LGALS4: variants seen among roughly 807,000 people sequenced by gnomAD.
The protein encoded by LGALS4 is galectin 4, also known as galectin-4.
LGALS4 carries 37 observed loss-of-function variants against 39.6 expected under a neutral mutation model. The ratio of observed to expected loss-of-function variants is 0.93; its 90% confidence interval spans 0.72 to 1.23. LGALS4 has a LOEUF of 1.23. Ranked by LOEUF, LGALS4 falls within the 50% of genes most tolerant of loss-of-function variation. The pLI is 0.00. For missense variants in LGALS4, 397 were observed against 433.2 expected, an observed-to-expected ratio of 0.92 and a Z score of 0.74; for synonymous variants, 160 against 165.5, an observed-to-expected ratio of 0.97 and a Z score of 0.25.
rs749513005 is a variant in LGALS4 at position 38,806,437 on chromosome 19, A to G, written c.474+24T>C. ...AACTGAATTTAGAAAGAAAGGACGC[A>G]AGAAGGGATGGGACCCCTCACACCT... On this transcript the variant is annotated intron_variant, in intron 4 of 9. Transcript: ENST00000307751. 6 of 1,606,604 alleles carry G rather than the reference A, an allele frequency of 3.7e-6. No homozygotes were observed. The South Asian group carries it at 6.6e-5, about 18-fold the overall frequency.
At chr19:38,805,793 T>C (rs1971415291) in intron 4 of LGALS4, among the ~76,000 whole-genome samples, 1 of 152,106 alleles carries the variant, frequency 6.6e-6, no homozygotes, top group Non-Finnish European at 1.5e-5. Flanking sequence ...TGGAATGCGC[T>C]GGGCACCATG....
At chr19:38,806,417 A>G (rs757825136) in intron 4 of LGALS4, 44 bp downstream of exon 4, 1 of 1,574,590 alleles carries the variant, frequency 6.4e-7, no homozygotes, top group Non-Finnish European at 8.6e-7. Flanking sequence ...TGTGGAACTG[A>G]ATTTAGAAAG....
intron 1 of LGALS4, 86 bp from the exon 2 acceptor site, chr19:38,812,605 A>C (rs754837295): frequency 5.1e-5 from 66 of 1,295,854 alleles, no homozygotes; most frequent in Non-Finnish European, 5.7e-5. Context: ...CCAGTCCCTT[A>C]AGCAGGAGAG....
At chr19:38,803,379 C>T in intron 7 of LGALS4, 143 bp downstream of exon 7, 2 of 809,458 alleles carry the variant, frequency 2.5e-6, no homozygotes, top group South Asian at 1.6e-5. Context: ...CCTTCTGCTC[C>T]CTAAACCTGA....
intron 4 of LGALS4, among the ~76,000 whole-genome samples, chr19:38,805,861 C>T (rs1277906903): frequency 6.6e-6 from 1 of 152,112 alleles, no homozygotes; most frequent in Non-Finnish European, 1.5e-5. Context: ...CACTTGAGGC[C>T]AGGAGTTCCA....
chr19:38,809,426 T>A (rs1042221557), intron 2 of LGALS4, among the ~76,000 whole-genome samples: 2 of 151,870 alleles, frequency 1.3e-5, no homozygotes, highest in African/African-American at 4.8e-5. Context: ...GTGATCCACC[T>A]GCCTCGGCTT....
rs922655324 is a variant in LGALS4, at chr19:38,801,753, C to A, written c.*11G>T. ...TTCTGTTTTCCCATGAGTTATGGCC[C>A]CAGGAATAGATTAGATCTGGACATA... On this transcript the variant is annotated 3_prime_UTR_variant, in exon 10 of 10. Coordinates refer to ENST00000307751, the MANE Select transcript of LGALS4 (RefSeq NM_006149.4). The A allele has an allele frequency of 1.1e-5, 17 of 1,613,694 alleles. No homozygotes were observed. The African/African-American group carries it at 1.7e-4, about 16-fold the overall frequency.
chr19:38,804,343 G>A (rs886146261), intron 4 of LGALS4, among the ~76,000 whole-genome samples: 5 of 152,130 alleles, frequency 3.3e-5, no homozygotes, highest in South Asian at 2.1e-4. Context: ...GCAGTGGCAC[G>A]ATCTCTGCTC....
chr19:38,802,079 C>G lies in LGALS4; in HGVS notation c.738G>C (p.Val246=), dbSNP rs35631131. The G allele has an allele frequency of 4.9e-4, 797 of 1,614,170 alleles. 6 individuals carry two copies. In the African/African-American group the frequency reaches 9.3e-3, roughly 19 times the overall value. The change falls in exon 9 of 10, where the codon GTG becomes GTC. Residue 246 remains valine, a synonymous_variant. Transcript: ENST00000307751. The stretch of plus-strand genomic sequence containing the variant: ...AGCCATTCAGAAGGCTGTTCCGGAC[C>G]ACGGTACCGTTGCCCATGCGGGGAT... The part of the protein sequence containing the change: ...HINPRMGNGT[V]VRNSLLNGSW...
chr19:38,808,734 G>A lies in LGALS4; in HGVS notation c.339+10C>T. 6.2e-7 allele frequency: 1 copy of A among 1,611,392 alleles called. No homozygotes were observed. Among genetic ancestry groups the A allele is most frequent in the Non-Finnish European group, 8.5e-7 (1 of 1,177,956 alleles). ...TCCAGCTTGGGAAACAAGAGAGAAA[G>A]CATGCAGACCTTGTAGTGCTCAGCC... On this transcript the variant is annotated intron_variant, in intron 3 of 9. Coordinates refer to ENST00000307751, the MANE Select transcript of LGALS4 (RefSeq NM_006149.4).
Position 38,803,891 on chromosome 19 carries a change from G to C in LGALS4, c.479C>G (p.Pro160Arg), listed in dbSNP as rs1971392139. The change falls in exon 5 of 10, where the codon CCC becomes CGC. Residue 160 changes from proline to arginine, a missense_variant. Transcript: ENST00000307751. ...IGGQPLRPQG[P>R]PMMPPYPGPG... ...TACAGGGTAAGGTGGCATCATCGGG[G>C]GTCCCTGTGGGCACAGAAAGAGAAA... The C allele has an allele frequency of 5.6e-6, 9 of 1,609,014 alleles. No homozygotes were observed. The highest frequency in any genetic ancestry group is 7.6e-6 in the Non-Finnish European group (9 of 1,177,574).
At position 38,812,870 on chromosome 19, in the gene LGALS4, G is replaced by A; in HGVS notation, c.17C>T (p.Ala6Val). 1 of 1,612,122 alleles carries A rather than the reference G, an allele frequency of 6.2e-7. No individual in the cohort carries two copies. Among genetic ancestry groups the A allele is most frequent in the African/African-American group, 1.3e-5 (1 of 75,032 alleles). Residue 6 changes from alanine to valine, a missense_variant, in exon 1 of 10, where the codon GCA becomes GTA. Transcript: ENST00000307751. MAYVPAPGYQPTYNPT... is the reference protein window; with the variant it reads MAYVPVPGYQPTYNPT... ...GTTGTAGGTGGGCTGGTAGCCCGGT[G>A]CGGGGACATAGGCCATCGCTCGAGG...
chr19:38,802,044 G>T lies in LGALS4; in HGVS notation c.773C>A (p.Ser258Tyr). 2 of 1,614,196 alleles carry T rather than the reference G, an allele frequency of 1.2e-6. No homozygotes were observed. Among genetic ancestry groups the T allele is most frequent in the Non-Finnish European group, 1.7e-6 (2 of 1,180,026 alleles). ...RNSLLNGSWG[S>Y]EEKKITHNPF... is the part of the protein sequence containing the mutation. ...GTTGTGGGTGATCTTCTTCTCCTCG[G>T]ATCCCCACGAGCCATTCAGAAGGCT... The change falls in exon 9 of 10, where the codon TCC becomes TAC. Residue 258 changes from serine to tyrosine, a missense_variant. Physicochemically the swap from Ser to Tyr is moderately radical, Grantham distance 144. Transcript: ENST00000307751.
At position 38,803,774 on chromosome 19, in the gene LGALS4, C is replaced by A. The variant is rs762949917; in HGVS notation, c.508G>T (p.Gly170Ter). ...PPMMPPYPGP[G>*]HCHQQLNSLP... Reference sequence around the variant, plus strand: ...CTGTTCAGCTGTTGATGGCAATGTCCGGGACCCTGAACGATGGACAGAAGG... The same window carrying A: ...CTGTTCAGCTGTTGATGGCAATGTCAGGGACCCTGAACGATGGACAGAAGG... Residue 170 changes from glycine to a stop codon, truncating the protein, a stop_gained, in exon 6 of 10, where the codon GGA (glycine) becomes TGA (stop). Coordinates refer to ENST00000307751, the MANE Select transcript of LGALS4 (RefSeq NM_006149.4). LOFTEE classifies it high-confidence loss of function. 23 of 1,613,468 alleles carry A rather than the reference C, an allele frequency of 1.4e-5. No homozygotes were observed. The highest frequency in any genetic ancestry group is 1.8e-5 in the Non-Finnish European group (21 of 1,179,840).
chr19:38,801,830 C>A lies in LGALS4; in HGVS notation c.906G>T (p.Ser302=). 6.2e-7 allele frequency: 1 copy of A among 1,614,146 alleles called. No homozygotes were observed. The highest frequency in any genetic ancestry group is 8.5e-7 in the Non-Finnish European group (1 of 1,180,028). Residue 302 remains serine, a synonymous_variant, in exon 10 of 10, where the codon TCG becomes TCT. Transcript: ENST00000307751. ...QHLFDFAHRL[S]AFQRVDTLEI... ...CCAATGTGTCCACCCTCTGGAAGGC[C>A]GAGAGGCGATGGGCAAAGTCAAAGA... is the stretch of plus-strand genomic sequence containing the variant.
At chr19:38,806,125 TG>T (rs1971418649) in intron 4 of LGALS4, among the ~76,000 whole-genome samples, 1 of 151,870 alleles carries the variant, frequency 6.6e-6, no homozygotes, top group African/African-American at 2.4e-5. Flanking sequence ...CCCAGCACTT[TG>T]GGAAGTCGAG....
In LGALS4 at chr19:38,803,890, G is replaced by A. The variant is rs1599991557; in HGVS notation, c.480C>T (p.Pro160=). 2 of 1,609,052 alleles carry A rather than the reference G, an allele frequency of 1.2e-6. No homozygotes were observed. Among genetic ancestry groups the A allele is most frequent in the African/African-American group, 1.3e-5 (1 of 74,938 alleles). ...IGGQPLRPQG[P]PMMPPYPGPG... Reference sequence around the variant, plus strand: ...TTACAGGGTAAGGTGGCATCATCGGGGGTCCCTGTGGGCACAGAAAGAGAA... The same window carrying A: ...TTACAGGGTAAGGTGGCATCATCGGAGGTCCCTGTGGGCACAGAAAGAGAA... Residue 160 remains proline, a synonymous_variant, in exon 5 of 10, where the codon CCC becomes CCT. Coordinates refer to ENST00000307751, the MANE Select transcript of LGALS4 (RefSeq NM_006149.4).
chr19:38,803,475 A>G (rs1359342166), intron 7 of LGALS4, 47 bp downstream of exon 7: 1 of 1,600,092 alleles, frequency 6.2e-7, no homozygotes, highest in East Asian at 2.2e-5. Flanking sequence ...TTCCCTGGAG[A>G]TCCGTGCCCC....
At chr19:38,810,186 C>T (rs376969212) in intron 2 of LGALS4, among the ~76,000 whole-genome samples, 12 of 152,146 alleles carry the variant, frequency 7.9e-5, no homozygotes, top group East Asian at 7.7e-4. Flanking sequence ...GAGACAGTCT[C>T]CCTTTGTCAC....
Sources: allele counts gnomAD v4.1 joint callset (sites outside exome capture counted in the v4.1 genomes callset), GRCh38; gene constraint gnomAD v4.1.1; transcripts MANE v1.5; gene names NCBI Gene and HGNC (gene_info 2026-07-23, HGNC 2026-07-21).